The following DMD variants were observed in gnomAD, a reference collection of about 807,000 sequenced individuals.
The protein encoded by DMD is dystrophin, also known as mutant dystrophin.
In DMD, 63 loss-of-function variants were observed where a neutral mutation model predicts 330.1. That is an observed-to-expected ratio of 0.19 (90% confidence interval 0.16 to 0.24). The LOEUF is 0.24. Ranked by LOEUF, DMD falls within the 10% of genes least tolerant of loss-of-function variation. The pLI, the probability that DMD is intolerant of heterozygous loss-of-function variation, is 1.00. For synonymous variants in DMD, 1,223 were observed against 959.8 expected, an observed-to-expected ratio of 1.27 and a Z score of -5.07; for missense variants, 3,344 against 2,684.1, an observed-to-expected ratio of 1.25 and a Z score of -5.43.
intron 16 of DMD, among the ~76,000 whole-genome samples, chrX:32,549,953 T>C (rs1485523821): frequency 8.9e-6 from 1 of 112,597 alleles, no homozygotes; most frequent in Non-Finnish European, 1.9e-5. Flanking sequence ...TCCAGTTTAT[T>C]AGGAATCACT....
chrX:32,029,637 C>T (rs1428026719), intron 44 of DMD, among the ~76,000 whole-genome samples: 2 of 111,836 alleles, frequency 1.8e-5, no homozygotes, highest in Non-Finnish European at 3.8e-5. Flanking sequence ...AATGGATTCT[C>T]TTATTCTAGA....
At chrX:31,526,949 A>C (rs1055059083) in intron 55 of DMD, among the ~76,000 whole-genome samples, 1 of 111,781 alleles carries the variant, frequency 8.9e-6, no homozygotes, top group African/African-American at 3.3e-5. Context: ...GTTTCTACAG[A>C]AAATACAAAA....
intron 77 of DMD, among the ~76,000 whole-genome samples, chrX:31,127,988 C>T (rs939634836): frequency 9.0e-6 from 1 of 110,747 alleles, no homozygotes; most frequent in Non-Finnish European, 1.9e-5. Context: ...CTCCTCAAGC[C>T]AGGGAAAAGA....
intron 50 of DMD, among the ~76,000 whole-genome samples, chrX:31,775,039 A>C (rs932313439): frequency 4.5e-5 from 5 of 111,265 alleles, no homozygotes; most frequent in Non-Finnish European, 9.4e-5. Flanking sequence ...TAACCTCTCT[A>C]AGTTTCAGTT....
At position 32,394,916 on chromosome X, in the gene DMD, C is replaced by CAAAACAAAAAAAAA. The variant is rs2098030291; in HGVS notation, c.4234-4736_4234-4735insTTTTTTTTTGTTTT. The stretch of plus-strand genomic sequence containing the variant: ...CAAAGAAGAGCAAAAAACAAAAAAA[C>CAAAACAAAAAAAAA]AAAAAAAAAAAAAAAAAGAAAAGAA... On this transcript the variant is annotated intron_variant, in intron 30 of 78. Coordinates refer to ENST00000357033, the MANE Select transcript of DMD (RefSeq NM_004006.3). Among the ~76,000 whole-genome samples, 237 of 38,804 alleles carry CAAAACAAAAAAAAA rather than the reference C, an allele frequency of 6.1e-3. 4 individuals are homozygous for CAAAACAAAAAAAAA. Among genetic ancestry groups the CAAAACAAAAAAAAA allele is most frequent in the East Asian group, 0.015 (9 of 588 alleles). The allele number at this position is 38,804 out of a possible 115,157, so 33.7% of individuals were successfully genotyped here. A position where few individuals can be genotyped will look rare whatever the true frequency, so the allele number is the denominator to read the frequency against.
chrX:32,719,641 C>T (rs2066065317), intron 7 of DMD, among the ~76,000 whole-genome samples: 1 of 111,558 alleles, frequency 9.0e-6, no homozygotes, highest in Non-Finnish European at 1.9e-5. Flanking sequence ...TGTACAGATG[C>T]ACATGATGCT....
At chrX:32,396,158 A>G (rs2098042725) in intron 30 of DMD, among the ~76,000 whole-genome samples, 1 of 111,153 alleles carries the variant, frequency 9.0e-6, no homozygotes, top group African/African-American at 3.3e-5. Context: ...TTGGCAGGGG[A>G]CATGAAGGAC....
At chrX:33,045,553 A>C (rs2094368089) in intron 1 of DMD, among the ~76,000 whole-genome samples, 1 of 110,945 alleles carries the variant, frequency 9.0e-6, no homozygotes, top group African/African-American at 3.3e-5. Context: ...ATCCTGTTTA[A>C]AAGTTTTTAC....
chrX:32,226,383 T>A (rs1254015763), intron 43 of DMD, among the ~76,000 whole-genome samples: 1 of 112,135 alleles, frequency 8.9e-6, no homozygotes, highest in Non-Finnish European at 1.9e-5. Flanking sequence ...CCCTTGGAAT[T>A]AGTTACTTCA....
chrX:31,350,522 T>A (rs2733470), intron 60 of DMD, among the ~76,000 whole-genome samples: 49,452 of 109,292 alleles, frequency 0.45, 8,251 homozygotes, highest in East Asian at 0.68. Flanking sequence ...GCACATAGTA[T>A]ATGGTAGCAA....
At chrX:31,620,130 A>G (rs949828811) in intron 55 of DMD, among the ~76,000 whole-genome samples, 1 of 111,843 alleles carries the variant, frequency 8.9e-6, no homozygotes, top group African/African-American at 3.2e-5. Flanking sequence ...CAAGAAGACA[A>G]TCATGTGAGT....
intron 44 of DMD, among the ~76,000 whole-genome samples, chrX:32,073,785 T>C (rs1045420972): frequency 5.4e-5 from 6 of 111,661 alleles, no homozygotes; most frequent in African/African-American, 1.9e-4. Flanking sequence ...CTATATAAAT[T>C]CTGATTTAAA....
chrX:32,490,706 T>A (rs1234539687), intron 20 of DMD, among the ~76,000 whole-genome samples: 1 of 111,624 alleles, frequency 9.0e-6, no homozygotes, highest in Admixed American at 9.6e-5. Flanking sequence ...CTTTCTGGAC[T>A]AAAAGGGGTA....
At chrX:31,904,011 A>C (rs1393870418) in intron 47 of DMD, among the ~76,000 whole-genome samples, 1 of 111,790 alleles carries the variant, frequency 8.9e-6, no homozygotes, top group Non-Finnish European at 1.9e-5. Flanking sequence ...CAGCATGAGA[A>C]GCTTTGCATT....
At chrX:32,238,576 G>A (rs1014717101) in intron 43 of DMD, among the ~76,000 whole-genome samples, 1 of 111,736 alleles carries the variant, frequency 8.9e-6, no homozygotes, top group Non-Finnish European at 1.9e-5. Context: ...TCACAAAAGA[G>A]TCACTGAATC....
intron 16 of DMD, among the ~76,000 whole-genome samples, chrX:32,561,003 C>A (rs749218013): frequency 8.9e-4 from 99 of 111,815 alleles, no homozygotes; most frequent in Non-Finnish European, 1.6e-3. Flanking sequence ...TGAGGAACCA[C>A]CACACTGTCT....
intron 44 of DMD, among the ~76,000 whole-genome samples, chrX:32,150,483 A>C (rs1416958603): frequency 3.6e-5 from 4 of 111,491 alleles, no homozygotes; most frequent in Non-Finnish European, 7.5e-5. Context: ...AAGTCTGTAA[A>C]ATGCTTGAAT....
At chrX:31,981,646 G>A (rs2095476574) in intron 44 of DMD, among the ~76,000 whole-genome samples, 1 of 111,381 alleles carries the variant, frequency 9.0e-6, no homozygotes, top group Non-Finnish European at 1.9e-5. Context: ...AGAAGGTTAG[G>A]GATAGAGACG....
chrX:32,689,228 G>C (rs971752431), intron 9 of DMD, among the ~76,000 whole-genome samples: 4 of 109,673 alleles, frequency 3.6e-5, no homozygotes, highest in African/African-American at 1.3e-4. Flanking sequence ...AAAACCTCTA[G>C]GTTTTTGGAC....
Sources: gnomAD v4.1 joint callset for allele counts (sites outside exome capture counted in the v4.1 genomes callset) on GRCh38, gnomAD v4.1.1 for gene constraint, MANE v1.5 for transcripts, NCBI Gene and HGNC (gene_info 2026-07-23, HGNC 2026-07-21) for gene names.